Variants in MAP4K2 observed in about 807,000 individuals in gnomAD.
The protein encoded by MAP4K2 is mitogen-activated protein kinase kinase kinase kinase 2, also known as B lymphocyte serine/threonine protein kinase.
A neutral mutation model predicts 125.3 loss-of-function variants in MAP4K2; 85 were observed. The ratio of observed to expected loss-of-function variants is 0.68; its 90% confidence interval spans 0.57 to 0.81. The LOEUF (loss-of-function observed/expected upper bound fraction) is 0.81, where lower values mean the gene tolerates loss of function less well. MAP4K2 is among the 40% of genes least tolerant of loss of function. MAP4K2 has a pLI of 0.00. For synonymous variants in MAP4K2, 479 were observed against 445.1 expected (o/e 1.08, Z -0.96); for missense variants, 923 against 1,056.4 (o/e 0.87, Z 1.75).
chr11:64,799,347 A>G, intron 14 of MAP4K2, 74 bp downstream of exon 14: 2 of 1,560,246 alleles, frequency 1.3e-6, no homozygotes, highest in Non-Finnish European at 8.7e-7. Context: ...CCTTGATTTG[A>G]GCTGCTCGGC....
In MAP4K2 at chr11:64,800,300, CT is replaced by C; in HGVS notation, c.807+10del. ...AGTACTGGGCCTCTCTCCCGGCCCCCTGCCTCCCACCTGCAGGAGCTTCTCT... is the reference window on the plus strand; with the variant it reads ...AGTACTGGGCCTCTCTCCCGGCCCCCGCCTCCCACCTGCAGGAGCTTCTCT... On this transcript the variant is annotated intron_variant, in intron 11 of 31. Transcript: ENST00000294066. 1 of 1,613,912 alleles carries C rather than the reference CT, an allele frequency of 6.2e-7. No homozygotes were observed. Among genetic ancestry groups the C allele is most frequent in the Admixed American group, 1.7e-5 (1 of 60,030 alleles).
In MAP4K2 at chr11:64,797,667, G is replaced by A. The variant is rs1349779886; in HGVS notation, c.1098-3C>T. On this transcript the variant is annotated splice_polypyrimidine_tract_variant and splice_region_variant and intron_variant, in intron 15 of 31. Coordinates refer to ENST00000294066, the MANE Select transcript of MAP4K2 (RefSeq NM_004579.5). Reference sequence around the variant, plus strand: ...CCTGGACCGACTGCAGCAGGCTCCTGGGCAGTGGGGAAAAGGGGTCAGAGG... The same window carrying A: ...CCTGGACCGACTGCAGCAGGCTCCTAGGCAGTGGGGAAAAGGGGTCAGAGG... 6 of 1,546,434 alleles carry A rather than the reference G, an allele frequency of 3.9e-6. No individual in the cohort carries two copies. Among genetic ancestry groups the A allele is most frequent in the Admixed American group, 4.2e-5 (2 of 47,690 alleles).
At chr11:64,798,936 C>CA in intron 14 of MAP4K2, 99 bp from the exon 15 acceptor site, 1 of 1,015,290 alleles carries the variant, frequency 9.8e-7, no homozygotes, top group Non-Finnish European at 1.5e-6. Flanking sequence ...GACAGACAGA[C>CA]AGACGGGAAA....
In MAP4K2 at chr11:64,799,624, C is replaced by A; in HGVS notation, c.975G>T (p.Arg325Ser). Residue 325 changes from arginine to serine, a missense_variant, in exon 13 of 32, where the codon AGG (arginine) becomes AGT (serine). Around this residue, in one of 2 missense-constraint regions of MAP4K2, gnomAD observed 833 missense variants for 911.4 expected, o/e 0.91. Transcript: ENST00000294066. ...HSRGQHGPAE[R>S]TPSEIQFHQV... Reference sequence around the variant, plus strand: ...ACTCACACTGGATCTCCGAGGGGGTCCTCTCGGCTGGGCCGTGCTGCCCCC... The same window carrying A: ...ACTCACACTGGATCTCCGAGGGGGTACTCTCGGCTGGGCCGTGCTGCCCCC... The A allele has an allele frequency of 6.2e-7, 1 of 1,614,096 alleles. No individual in the cohort carries two copies. Among genetic ancestry groups the A allele is most frequent in the Non-Finnish European group, 8.5e-7 (1 of 1,180,030 alleles).
chr11:64,801,603 T>C lies in MAP4K2; in HGVS notation c.433A>G (p.Thr145Ala). The C allele has an allele frequency of 6.2e-7, 1 of 1,613,494 alleles. No homozygotes were observed. The highest frequency in any genetic ancestry group is 8.5e-7 in the Non-Finnish European group (1 of 1,179,838). Reference sequence around the variant, plus strand: ...CCCAGTTTGACATCTCCCTGGAGAGTGAGGAGAAGGTTGGCTCCCTGTGGG... The same window carrying C: ...CCCAGTTTGACATCTCCCTGGAGAGCGAGGAGAAGGTTGGCTCCCTGTGGG... ...RDIKGANLLL[T>A]LQGDVKLADF... The change falls in exon 7 of 32, where the codon ACT becomes GCT. Residue 145 changes from threonine (T) to alanine (A), a missense_variant. Coordinates refer to ENST00000294066, the MANE Select transcript of MAP4K2 (RefSeq NM_004579.5).
chr11:64,792,027 C>T lies in MAP4K2; in HGVS notation c.1974G>A (p.Gly658=). ...AGMLEPLVLD[G]KELPQVCVGA... Reference sequence around the variant, plus strand: ...CAACACACACCTGCGGCAGCTCCTTCCCATCCAGCACCAGCGGCTCCAGCA... The same window carrying T: ...CAACACACACCTGCGGCAGCTCCTTTCCATCCAGCACCAGCGGCTCCAGCA... The change falls in exon 27 of 32, where the codon GGG becomes GGA. Residue 658 remains glycine, a synonymous_variant. Transcript: ENST00000294066. 2 of 1,597,744 alleles carry T rather than the reference C, an allele frequency of 1.3e-6. No individual in the cohort carries two copies. Among genetic ancestry groups the T allele is most frequent in the Non-Finnish European group, 1.7e-6 (2 of 1,172,752 alleles).
At chr11:64,801,904 ACT>A in intron 5 of MAP4K2, 147 bp from the exon 6 acceptor site, 1 of 1,131,610 alleles carries the variant, frequency 8.8e-7, no homozygotes, top group Non-Finnish European at 1.3e-6. Context: ...AGGGAAATGG[ACT>A]GCTTCCGGCA....
At chr11:64,801,793 C>G in intron 5 of MAP4K2, 36 bp from the exon 6 acceptor site, 3 of 1,607,790 alleles carry the variant, frequency 1.9e-6, no homozygotes, top group Middle Eastern at 1.7e-4. Context: ...AGCAGCCACC[C>G]AGCACTGTCC....
Position 64,791,937 on chromosome 11 carries a change from GCCAGCCTCCAGGGGC to G in MAP4K2, c.2049_2063del (p.Pro684_Gly688del). The G allele has an allele frequency of 1.9e-6, 3 of 1,601,118 alleles. No homozygotes were observed. The highest frequency in any genetic ancestry group is 2.6e-6 in the Non-Finnish European group (3 of 1,173,396). On this transcript the variant is annotated inframe_deletion, in exon 27 of 32. Coordinates refer to ENST00000294066, the MANE Select transcript of MAP4K2 (RefSeq NM_004579.5). Reference sequence around the variant, plus strand: ...GTGGGATGAGGATGTCGGGCGTCAGGCCAGCCTCCAGGGGCAGGACATGGAACAGGACGCGGCAGC... The same window carrying G: ...GTGGGATGAGGATGTCGGGCGTCAGGAGGACATGGAACAGGACGCGGCAGC...
chr11:64,792,947 C>T (rs1292096571), intron 24 of MAP4K2, among the ~76,000 whole-genome samples: 4 of 152,126 alleles, frequency 2.6e-5, no homozygotes, highest in African/African-American at 7.2e-5. Context: ...CCAGGTGCAA[C>T]GGCTCACGCC....
chr11:64,799,020 G>A (rs571075045), intron 14 of MAP4K2, among the ~76,000 whole-genome samples, 183 bp from the exon 15 acceptor site: 1 of 152,316 alleles, frequency 6.6e-6, no homozygotes, highest in Non-Finnish European at 1.5e-5. Context: ...GAAAGAAAGG[G>A]CAACAGACAG....
At chr11:64,801,065 G>C (rs1941136635) in intron 8 of MAP4K2, 34 bp from the exon 9 acceptor site, 1 of 1,613,582 alleles carries the variant, frequency 6.2e-7, no homozygotes, top group African/African-American at 1.3e-5. Flanking sequence ...ATGGCCGGGT[G>C]CCCTGCTCTG....
At chr11:64,802,682 G>A (rs776559991) in intron 2 of MAP4K2, 29 bp from the exon 3 acceptor site, 21 of 1,601,456 alleles carry the variant, frequency 1.3e-5, no homozygotes, top group Non-Finnish European at 1.8e-5. Context: ...CATGGGGAAG[G>A]CGCGCTGGGG....
In MAP4K2 at chr11:64,797,104, C is replaced by T. The variant is rs372392320; in HGVS notation, c.1365G>A (p.Glu455=). ...WATMKQREDP[E]RSSCHGLPPT... is the part of the protein sequence containing the mutation. ...CCACCCCACTGTAGCACCCTCTTACCTCAGGATCCTCCCGCTGCTTCATGG... is the reference window on the plus strand; with the variant it reads ...CCACCCCACTGTAGCACCCTCTTACTTCAGGATCCTCCCGCTGCTTCATGG... The change falls in exon 19 of 32, where the codon GAG becomes GAA. Residue 455 remains glutamate, a splice_region_variant and synonymous_variant. Transcript: ENST00000294066. 22 of 1,614,056 alleles carry T rather than the reference C, an allele frequency of 1.4e-5. No homozygotes were observed. The highest frequency in any genetic ancestry group is 1.9e-5 in the Non-Finnish European group (22 of 1,180,030).
Position 64,799,433 on chromosome 11 carries a change from T to C in MAP4K2, c.1041A>G (p.Pro347=), listed in dbSNP as rs772696875. Residue 347 remains proline (P), a synonymous_variant, in exon 14 of 32, where the codon CCA becomes CCG. Transcript: ENST00000294066. The stretch of plus-strand genomic sequence containing the variant: ...CCTGCCCACTCACCGGCTCATTCAG[T>C]GGGTCAGTTTCCTTCCTGCGTGGGG... ...FGAPRRKETD[P]LNEPWEEEWT... 1 of 1,612,694 alleles carries C rather than the reference T, an allele frequency of 6.2e-7. No homozygotes were observed. Among genetic ancestry groups the C allele is most frequent in the South Asian group, 1.1e-5 (1 of 90,934 alleles).
chr11:64,791,646 C>T (rs755353644), intron 27 of MAP4K2, among the ~76,000 whole-genome samples: 9 of 152,226 alleles, frequency 5.9e-5, no homozygotes, highest in Non-Finnish European at 1.2e-4. Context: ...GCTGGGATTA[C>T]AGGCGTGAGC....
In MAP4K2 at chr11:64,789,205, G is replaced by C; in HGVS notation, c.*332C>G. The C allele has an allele frequency of 2.6e-6, 1 of 389,520 alleles. No individual in the cohort carries two copies. Among genetic ancestry groups the C allele is most frequent in the Non-Finnish European group, 4.8e-6 (1 of 208,908 alleles). 24.1% of individuals were successfully genotyped at this position (389,520 alleles called of 1,614,324 possible). Reference sequence around the variant, plus strand: ...ACCGTGTTTCCCAGGACAAATGCAGGGGCAGGCTCTTGGCAGAAAGAGTAG... The same window carrying C: ...ACCGTGTTTCCCAGGACAAATGCAGCGGCAGGCTCTTGGCAGAAAGAGTAG... On this transcript the variant is annotated 3_prime_UTR_variant, in exon 32 of 32. Transcript: ENST00000294066.
At chr11:64,802,246 A>G (rs1472232418) in intron 4 of MAP4K2, 125 bp from the exon 5 acceptor site, 1 of 1,069,006 alleles carries the variant, frequency 9.4e-7, no homozygotes, top group Admixed American at 2.1e-5. Context: ...GTCCCCTCCC[A>G]GTTTAGTCTA....
rs769815073 is a variant in MAP4K2, at chr11:64,799,683, T to C, written c.916A>G (p.Thr306Ala). The C allele has an allele frequency of 1.9e-6, 3 of 1,613,256 alleles. No homozygotes were observed. The South Asian group carries it at 3.3e-5, about 18-fold the overall frequency. Residue 306 changes from threonine to alanine, a missense_variant and splice_region_variant, in exon 13 of 32, where the codon ACC becomes GCC. By Grantham distance (58) the Thr-to-Ala change is moderately conservative. Coordinates refer to ENST00000294066, the MANE Select transcript of MAP4K2 (RefSeq NM_004579.5). ...TPSPEDCELE[T>A]YDMFPDTIHS... ...ATGGTGTCTGGAAACATGTCATAGG[T>C]CTAAGGAAAAACAGAAACAGTGTGG...
Sources: allele counts gnomAD v4.1 joint callset (sites outside exome capture counted in the v4.1 genomes callset), GRCh38; gene constraint gnomAD v4.1.1; regional missense constraint gnomAD v4.1.1; transcripts MANE v1.5; gene names NCBI Gene and HGNC (gene_info 2026-07-23, HGNC 2026-07-21).